TRIM52: variants seen among roughly 807,000 people sequenced by gnomAD.
The protein encoded by TRIM52 is E3 ubiquitin-protein ligase TRIM52.
Under a neutral mutation model 27.0 loss-of-function variants are expected in TRIM52, and 24 were observed. The observed-to-expected ratio is 0.89, with a 90% CI of 0.64 to 1.25. The LOEUF is 1.25. Among genes scored for constraint, TRIM52 ranks in the 50% most tolerant of loss-of-function variants. TRIM52 has a pLI of 0.00. For synonymous variants in TRIM52, 125 were observed against 126.5 expected, an observed-to-expected ratio of 0.99 and a Z score of 0.08; for missense variants, 351 against 354.7, an observed-to-expected ratio of 0.99 and a Z score of 0.08.
chr5:181,249,158 G>A (rs1759584230), downstream of TRIM52, among the ~76,000 whole-genome samples: 1 of 152,176 alleles, frequency 6.6e-6, no homozygotes, highest in African/African-American at 2.4e-5. Flanking sequence ...GAGACAAGAA[G>A]AGTTAAGAAG....
chr5:181,259,205 T>G (rs1759921732), intron 1 of TRIM52: 1 of 152,256 alleles, frequency 6.6e-6, no homozygotes, highest in African/African-American at 2.4e-5. Flanking sequence ...CAAACATTTG[T>G]TTAGTGCTTT....
Position 181,260,586 on chromosome 5 carries a change from AT to A in TRIM52, c.227del (p.Asp76ValfsTer36). The A allele has an allele frequency of 1.2e-6, 2 of 1,613,156 alleles. No individual in the cohort carries two copies. The highest frequency in any genetic ancestry group is 1.7e-6 in the Non-Finnish European group (2 of 1,179,772). ...CCTCTCGAATGGAGCCGTCCCATCC[AT>A]CCATGGCCCCCACCGCTTCCTCGTC... Reference protein sequence around the residue: ...EEDEEAVGAMDGWDGSIREVL... With the variant: ...EEDEEAVGAMXGWDGSIREVL... On this transcript the variant is annotated frameshift_variant, in exon 1 of 2. Transcript: ENST00000688015. LOFTEE classifies it high-confidence loss of function. The surrounding 1 kb of genome is among the most constrained non-coding windows in gnomAD (Gnocchi z 4.4).
intron 1 of TRIM52, chr5:181,258,955 G>A (rs1318422337): frequency 2.0e-5 from 3 of 152,312 alleles, no homozygotes; most frequent in South Asian, 2.1e-4. Flanking sequence ...CTACTAAGAC[G>A]TGAGCAGCGG....
At chr5:181,249,814 G>A (rs563933772), downstream of TRIM52, among the ~76,000 whole-genome samples, 4 of 149,056 alleles carry the variant, frequency 2.7e-5, no homozygotes, top group African/African-American at 1.0e-4. Flanking sequence ...AAAGAGATCA[G>A]AGATCACTTG....
At position 181,260,979 on chromosome 5, in the gene TRIM52, A is replaced by T; in HGVS notation, c.-166T>A. The stretch of plus-strand genomic sequence containing the variant: ...TTTGACCCCCTCTCTCAGGGTGCGA[A>T]CGCCCAGATCCAGACTCACAGCCTC... On this transcript the variant is annotated 5_prime_UTR_variant, in exon 1 of 2. Coordinates refer to ENST00000688015, the MANE Select transcript of TRIM52 (RefSeq NM_001346048.2). This position sits in a 1 kb window ranked among gnomAD's most constrained non-coding sequence, Gnocchi z 4.4. 1 of 1,019,296 alleles carries T rather than the reference A, an allele frequency of 9.8e-7. No individual in the cohort carries two copies. The highest frequency in any genetic ancestry group is 1.4e-6 in the Non-Finnish European group (1 of 723,750). The allele number at this position is 1,019,296 out of a possible 1,614,324, so 63.1% of individuals were successfully genotyped here.
At chr5:181,257,008 TATTGGTGGCAG>T (rs1759809528) in intron 1 of TRIM52, 149 bp from the exon 2 acceptor site, 1 of 990,762 alleles carries the variant, frequency 1.0e-6, no homozygotes, top group African/African-American at 1.7e-5. Flanking sequence ...TGAATGATTT[TATTGGTGGCAG>T]CTGGGTGGCA....
chr5:181,257,826 C>T (rs6601180), intron 1 of TRIM52: 22,834 of 163,534 alleles, frequency 0.14, 2,766 homozygotes, highest in African/African-American at 0.32. Flanking sequence ...CCCGTCTACA[C>T]TAAAAATGCA....
chr5:181,249,715 A>T (rs967406983), downstream of TRIM52, among the ~76,000 whole-genome samples: 2 of 151,910 alleles, frequency 1.3e-5, no homozygotes, highest in African/African-American at 4.8e-5. Flanking sequence ...AAGTTTGGAG[A>T]CCAGGAAACA....
chr5:181,261,107 C>T lies in TRIM52; in HGVS notation c.-294G>A. On this transcript the variant is annotated 5_prime_UTR_variant, in exon 1 of 2. Transcript: ENST00000688015. ...GTGTGCCCTACACTGCGGCGTCCGCCTCAGATGCAGCCGCTGGCTACCCTG... is the reference window on the plus strand; with the variant it reads ...GTGTGCCCTACACTGCGGCGTCCGCTTCAGATGCAGCCGCTGGCTACCCTG... 2.9e-6 allele frequency: 1 copy of T among 345,030 alleles called. No homozygotes were observed. Among genetic ancestry groups the T allele is most frequent in the Non-Finnish European group, 5.3e-6 (1 of 188,576 alleles). 21.4% of individuals were successfully genotyped at this position (345,030 alleles called of 1,614,324 possible).
At position 181,260,554 on chromosome 5, in the gene TRIM52, TACA is replaced by T; in HGVS notation, c.257_259del (p.Leu86del). 6.8e-6 allele frequency: 11 copies of T among 1,613,976 alleles called. No individual in the cohort carries two copies. The highest frequency in any genetic ancestry group is 9.3e-6 in the Non-Finnish European group (11 of 1,180,000). On this transcript the variant is annotated inframe_deletion, in exon 1 of 2. Coordinates refer to ENST00000688015, the MANE Select transcript of TRIM52 (RefSeq NM_001346048.2). This position sits in a 1 kb window ranked among gnomAD's most constrained non-coding sequence, Gnocchi z 4.4. ...CAACTCTTCGTCAGCATTCCCCCGATACAACACCTCTCGAATGGAGCCGTCCCA... is the reference window on the plus strand; with the variant it reads ...CAACTCTTCGTCAGCATTCCCCCGATACACCTCTCGAATGGAGCCGTCCCA...
chr5:181,260,793 A>G lies in TRIM52; in HGVS notation c.21T>C (p.Thr7=). The G allele has an allele frequency of 3.1e-6, 5 of 1,596,938 alleles. No homozygotes were observed. The highest frequency in any genetic ancestry group is 4.3e-6 in the Non-Finnish European group (5 of 1,168,132). MAGYAT[T]PSPMQTLQEE... Reference sequence around the variant, plus strand: ...CCTGAAGGGTCTGCATGGGGCTGGGAGTAGTGGCATAACCAGCCATCTTAA... The same window carrying G: ...CCTGAAGGGTCTGCATGGGGCTGGGGGTAGTGGCATAACCAGCCATCTTAA... The change falls in exon 1 of 2, where the codon ACT becomes ACC. Residue 7 remains threonine, a synonymous_variant. Transcript: ENST00000688015. This position sits in a 1 kb window ranked among gnomAD's most constrained non-coding sequence, Gnocchi z 4.4.
chr5:181,260,366 C>T lies in TRIM52; in HGVS notation c.448G>A (p.Glu150Lys). 3 of 1,614,158 alleles carry T rather than the reference C, an allele frequency of 1.9e-6. No individual in the cohort carries two copies. The highest frequency in any genetic ancestry group is 2.5e-6 in the Non-Finnish European group (3 of 1,180,032). Reference protein sequence around the residue: ...RPDLRIDVYREEEILEAYDED... With the variant: ...RPDLRIDVYRKEEILEAYDED... ...TCGTATGCTTCCAGTATTTCTTCTT[C>T]TCGGTAGACATCAATTCTCAGGTCA... The change falls in exon 1 of 2, where the codon GAA becomes AAA. Residue 150 changes from glutamate (E) to lysine (K), a missense_variant. Coordinates refer to ENST00000688015, the MANE Select transcript of TRIM52 (RefSeq NM_001346048.2). The surrounding 1 kb of genome is among the most constrained non-coding windows in gnomAD (Gnocchi z 4.4).
rs535009176 is a variant in TRIM52, at chr5:181,255,834, A to G, written c.*975T>C. On this transcript the variant is annotated 3_prime_UTR_variant, in exon 2 of 2. Coordinates refer to ENST00000688015, the MANE Select transcript of TRIM52 (RefSeq NM_001346048.2). ...TCTGTTGAAAATTTTAACTTTTGAA[A>G]TGTTCAAGTATAGATTATTTTTCAT... 6.6e-6 allele frequency: 1 copy of G among 152,334 alleles called. No homozygotes were observed. The highest frequency in any genetic ancestry group is 1.9e-4 in the East Asian group (1 of 5,180). The allele number at this position is 152,334 out of a possible 1,614,324, so 9.4% of individuals were successfully genotyped here. A position where few individuals can be genotyped will look rare whatever the true frequency, so the allele number is the denominator to read the frequency against.
chr5:181,260,019 C>G lies in TRIM52; in HGVS notation c.795G>C (p.Glu265Asp), dbSNP rs746524056. ...CTCTCACCTGGTACTCCTGCACCACCTCCTCCAAAGGCAGCACGCTGTGCT... is the reference window on the plus strand; with the variant it reads ...CTCTCACCTGGTACTCCTGCACCACGTCCTCCAAAGGCAGCACGCTGTGCT... ...HKQHSVLPLEEVVQEYQKIGS... is the reference protein window; with the variant it reads ...HKQHSVLPLEDVVQEYQKIGS... Residue 265 changes from glutamate (E) to aspartate (D), a missense_variant, in exon 1 of 2, where the codon GAG (glutamate) becomes GAC (aspartate). Coordinates refer to ENST00000688015, the MANE Select transcript of TRIM52 (RefSeq NM_001346048.2). The surrounding 1 kb of genome is among the most constrained non-coding windows in gnomAD (Gnocchi z 4.4). 8.7e-6 allele frequency: 14 copies of G among 1,614,032 alleles called. No individual in the cohort carries two copies. The highest frequency in any genetic ancestry group is 4.2e-6 in the Non-Finnish European group (5 of 1,180,040).
chr5:181,249,461 T>G (rs1271575243), downstream of TRIM52, among the ~76,000 whole-genome samples: 1 of 152,110 alleles, frequency 6.6e-6, no homozygotes, highest in Admixed American at 6.6e-5. Context: ...GGTGGGAGGA[T>G]CACTTGAACT....
downstream of TRIM52, among the ~76,000 whole-genome samples, chr5:181,252,505 G>T (rs985588668): frequency 2.6e-5 from 4 of 152,238 alleles, no homozygotes; most frequent in Non-Finnish European, 4.4e-5. Flanking sequence ...TAGCTTGAAT[G>T]TGGAGGACTA....
At chr5:181,251,605 T>C (rs879151199), downstream of TRIM52, among the ~76,000 whole-genome samples, 2 of 152,344 alleles carry the variant, frequency 1.3e-5, no homozygotes, top group South Asian at 4.1e-4. Flanking sequence ...GGTCTCCTGA[T>C]AGCAGGAACC....
At position 181,255,880 on chromosome 5, in the gene TRIM52, T is replaced by G. The variant is rs894997005; in HGVS notation, c.*929A>C. ...TTCATTGTTCTTCCAACCTTGGGGT[T>G]GTTCTGTCCACAAGTTCAGCAGAAT... On this transcript the variant is annotated 3_prime_UTR_variant, in exon 2 of 2. Transcript: ENST00000688015. The G allele has an allele frequency of 1.1e-4, 17 of 152,242 alleles. No homozygotes were observed. The highest frequency in any genetic ancestry group is 4.1e-4 in the African/African-American group (17 of 41,468). 9.4% of individuals were successfully genotyped at this position (152,242 alleles called of 1,614,324 possible). A position where few individuals can be genotyped will look rare whatever the true frequency, so the allele number is the denominator to read the frequency against.
intron 1 of TRIM52, chr5:181,257,162 TA>T: frequency 2.6e-6 from 3 of 1,161,938 alleles, no homozygotes; most frequent in Non-Finnish European, 3.2e-6. Context: ...TAAATGATCT[TA>T]CTTTCATAAT....
Sources: allele counts gnomAD v4.1 joint callset (sites outside exome capture counted in the v4.1 genomes callset), GRCh38; gene constraint gnomAD v4.1.1; non-coding constraint Gnocchi (gnomAD v3.1); transcripts MANE v1.5; gene names NCBI Gene and HGNC (gene_info 2026-07-23, HGNC 2026-07-21).